TMEFF2: variants seen among roughly 807,000 people sequenced by gnomAD.
The protein encoded by TMEFF2 is transmembrane protein with EGF like and two follistatin like domains 2, also known as tomoregulin-2.
In TMEFF2, 28 loss-of-function variants were observed where a neutral mutation model predicts 53.8. That is an observed-to-expected ratio of 0.52 (90% CI 0.39 to 0.71). TMEFF2 has a LOEUF of 0.71. TMEFF2 is among the 30% of genes least tolerant of loss of function. The pLI, the probability that TMEFF2 is intolerant of heterozygous loss-of-function variation, is 0.00. For missense variants in TMEFF2, 353 were observed against 455.2 expected, an observed-to-expected ratio of 0.78 and a Z score of 2.04; for synonymous variants, 162 against 166.3, an observed-to-expected ratio of 0.97 and a Z score of 0.20.
chr2:192,100,431 C>T (rs1017174018), intron 4 of TMEFF2, among the ~76,000 whole-genome samples: 1 of 152,198 alleles, frequency 6.6e-6, no homozygotes, highest in African/African-American at 2.4e-5. Flanking sequence ...ATCTTCTATA[C>T]TTCCAACTTC....
At chr2:192,104,890 A>T (rs1689109570) in intron 4 of TMEFF2, among the ~76,000 whole-genome samples, 1 of 152,036 alleles carries the variant, frequency 6.6e-6, no homozygotes, top group Non-Finnish European at 1.5e-5. Context: ...TCATGAAATC[A>T]GTTCTTTTCT....
At chr2:192,069,192 C>T (rs1688230008) in intron 4 of TMEFF2, among the ~76,000 whole-genome samples, 1 of 151,648 alleles carries the variant, frequency 6.6e-6, no homozygotes, top group Non-Finnish European at 1.5e-5. Flanking sequence ...CTGTGATTCC[C>T]TCTTCCAGCT....
intron 4 of TMEFF2, among the ~76,000 whole-genome samples, chr2:192,140,413 A>C (rs1290375562): frequency 6.6e-6 from 1 of 152,212 alleles, no homozygotes; most frequent in African/African-American, 2.4e-5. Context: ...TTGTAGGCTG[A>C]ATTATAGGAA....
At chr2:192,064,148 T>C (rs903950724) in intron 4 of TMEFF2, among the ~76,000 whole-genome samples, 3 of 151,866 alleles carry the variant, frequency 2.0e-5, no homozygotes, top group Non-Finnish European at 4.4e-5. Context: ...CTTAGGTATA[T>C]GTTTTACCTT....
intron 7 of TMEFF2, among the ~76,000 whole-genome samples, chr2:191,977,149 C>T (rs1030905724): frequency 2.0e-5 from 3 of 152,166 alleles, no homozygotes; most frequent in African/African-American, 7.2e-5. Context: ...CATGAATTAG[C>T]CAAAGACAAA....
chr2:191,966,919 G>A (rs1055155110), intron 7 of TMEFF2, among the ~76,000 whole-genome samples: 4 of 151,908 alleles, frequency 2.6e-5, no homozygotes, highest in African/African-American at 9.7e-5. Context: ...AGGAACAGAG[G>A]TATAGCTTTT....
intron 4 of TMEFF2, among the ~76,000 whole-genome samples, chr2:192,122,956 G>A (rs2105968211): frequency 6.6e-6 from 1 of 152,104 alleles, no homozygotes; most frequent in South Asian, 2.1e-4. Flanking sequence ...TAATAACAAG[G>A]CACACAACTT....
intron 7 of TMEFF2, among the ~76,000 whole-genome samples, chr2:191,963,463 A>G (rs1203255885): frequency 6.6e-6 from 1 of 151,834 alleles, no homozygotes; most frequent in Admixed American, 6.6e-5. Flanking sequence ...TGAGCCAAGC[A>G]GTTTTCTTCT....
At chr2:192,126,841 A>AAACC (rs1553522281) in intron 4 of TMEFF2, among the ~76,000 whole-genome samples, 12 of 151,780 alleles carry the variant, frequency 7.9e-5, no homozygotes, top group African/African-American at 1.2e-4. Flanking sequence ...AAAACAAAAC[A>AAACC]AAACAAACAA....
intron 4 of TMEFF2, among the ~76,000 whole-genome samples, chr2:192,074,591 C>G (rs934550066): frequency 1.3e-5 from 2 of 151,816 alleles, no homozygotes; most frequent in Non-Finnish European, 2.9e-5. Flanking sequence ...AAGCTAGTAG[C>G]CACCTGTAGC....
intron 9 of TMEFF2, among the ~76,000 whole-genome samples, chr2:191,952,447 G>T (rs1691914313): frequency 6.6e-6 from 1 of 152,152 alleles, no homozygotes; most frequent in African/African-American, 2.4e-5. Context: ...GAGTAATATG[G>T]CATAGTTTCC....
intron 4 of TMEFF2, among the ~76,000 whole-genome samples, chr2:192,147,878 A>G (rs4356613): frequency 0.99 from 151,285 of 152,122 alleles, 75,231 homozygotes; most frequent in East Asian, 1. Flanking sequence ...GTGTATTAAC[A>G]TCTGTTTTAC....
intron 5 of TMEFF2, among the ~76,000 whole-genome samples, chr2:192,052,910 A>G (rs1000095252): frequency 2.6e-5 from 4 of 152,206 alleles, no homozygotes; most frequent in African/African-American, 9.6e-5. Flanking sequence ...GTTGAATTTT[A>G]ACCCTCTTTT....
At chr2:192,173,271 T>C (rs112746911) in intron 4 of TMEFF2, among the ~76,000 whole-genome samples, 2 of 152,014 alleles carry the variant, frequency 1.3e-5, no homozygotes, top group African/African-American at 4.8e-5. Flanking sequence ...TGTACAACTA[T>C]TATGTGTTCA....
At chr2:192,125,196 G>T (rs1043487630) in intron 4 of TMEFF2, among the ~76,000 whole-genome samples, 1 of 152,144 alleles carries the variant, frequency 6.6e-6, no homozygotes, top group African/African-American at 2.4e-5. Flanking sequence ...CCAAAGGTTT[G>T]TGAAATTTCC....
intron 4 of TMEFF2, among the ~76,000 whole-genome samples, chr2:192,129,744 A>G (rs1264556514): frequency 6.6e-6 from 1 of 152,200 alleles, no homozygotes; most frequent in African/African-American, 2.4e-5. Context: ...TGTTTGTGTG[A>G]CTAGCAAGCA....
intron 4 of TMEFF2, among the ~76,000 whole-genome samples, chr2:192,166,002 G>C (rs926086810): frequency 6.6e-6 from 1 of 152,176 alleles, no homozygotes; most frequent in Non-Finnish European, 1.5e-5. Context: ...GTCCTCGGGT[G>C]TTCACTGAAA....
At chr2:192,182,425 T>C (rs1399082338) in intron 3 of TMEFF2, among the ~76,000 whole-genome samples, 1 of 151,998 alleles carries the variant, frequency 6.6e-6, no homozygotes, top group Non-Finnish European at 1.5e-5. Context: ...GGCTTACTAA[T>C]TAAATCCTGT....
chr2:191,979,484 G>C (rs955062776), intron 7 of TMEFF2, among the ~76,000 whole-genome samples: 1 of 152,100 alleles, frequency 6.6e-6, no homozygotes, highest in Admixed American at 6.6e-5. Flanking sequence ...TATATCTTGA[G>C]TCACTGCTAT....
Sources: gnomAD v4.1 joint callset for allele counts (sites outside exome capture counted in the v4.1 genomes callset) on GRCh38, gnomAD v4.1.1 for gene constraint, MANE v1.5 for transcripts, NCBI Gene and HGNC (gene_info 2026-07-23, HGNC 2026-07-21) for gene names.